Variants in SLC12A7 observed in about 807,000 individuals in gnomAD.
SLC12A7 encodes the protein K-Cl cotransporter 4.
A neutral mutation model predicts 120.6 loss-of-function variants in SLC12A7; 100 were observed. The ratio of observed to expected loss-of-function variants is 0.83; its 90% CI spans 0.71 to 0.98. The LOEUF is 0.98. SLC12A7 is among the 50% of genes least tolerant of loss of function. The pLI is 0.00. For missense variants in SLC12A7, 1,373 were observed against 1,548.1 expected (o/e 0.89, Z 1.90); for synonymous variants, 760 against 678.0 (o/e 1.12, Z -1.88).
At chr5:1,062,744 C>A (rs1383506868) in intron 20 of SLC12A7, among the ~76,000 whole-genome samples, 1 of 152,102 alleles carries the variant, frequency 6.6e-6, no homozygotes, top group African/African-American at 2.4e-5. Flanking sequence ...GAGACCGCAC[C>A]TCCCAGGCTG....
chr5:1,076,753 G>A lies in SLC12A7; in HGVS notation c.1689C>T (p.Leu563=). 1.9e-6 allele frequency: 3 copies of A among 1,611,672 alleles called. No homozygotes were observed. Among genetic ancestry groups the A allele is most frequent in the South Asian group, 1.1e-5 (1 of 91,074 alleles). The change falls in exon 13 of 24, where the codon CTC becomes CTT. Residue 563 remains leucine, a synonymous_variant. Coordinates refer to ENST00000264930, the MANE Select transcript of SLC12A7 (RefSeq NM_006598.3). The part of the protein sequence containing the change: ...EPTWALLLTV[L]ICETGILIAS... ...CGATGAGGATGCCAGTCTCGCAGAT[G>A]AGGACTGTCAGCAGCAGCGCCCACG...
At chr5:1,152,935 G>A in the SLC12A7 span, among the ~76,000 whole-genome samples, 2 of 152,344 alleles carry the variant, frequency 1.3e-5, no homozygotes, top group Non-Finnish European at 1.5e-5. Flanking sequence ...GGCCCGCCTG[G>A]CATGCAATTC....
intron 14 of SLC12A7, 31 bp downstream of exon 14, chr5:1,076,107 G>A: frequency 6.4e-7 from 1 of 1,570,282 alleles, no homozygotes; most frequent in Non-Finnish European, 8.7e-7. Context: ...CAGCCTGTGG[G>A]GCTCCTCACG....
At position 1,078,762 on chromosome 5, in the gene SLC12A7, C is replaced by T; in HGVS notation, c.1397-4G>A. The T allele has an allele frequency of 5.0e-6, 8 of 1,610,426 alleles. No individual in the cohort carries two copies. The Admixed American group carries it at 1.3e-4, about 27-fold the overall frequency. On this transcript the variant is annotated splice_region_variant and splice_polypyrimidine_tract_variant and intron_variant, in intron 10 of 23. Coordinates refer to ENST00000264930, the MANE Select transcript of SLC12A7 (RefSeq NM_006598.3). ...AACAGCACAATGCAGGAGAGATCCA[C>T]AGCCCTCGTCAAGGAAAGGCAGGTC...
rs1411991263 is a variant in SLC12A7 at position 1,085,287 on chromosome 5, T to C, written c.862A>G (p.Ile288Val). ...LVFLACVVLS[I>V]LAIYAGVIKS... is the part of the protein sequence containing the mutation. ...ATGACGCCGGCATAGATGGCCAGGA[T>C]GGACAGCACGACGCAGGCCAGGAAG... The change falls in exon 7 of 24, where the codon ATC (isoleucine) becomes GTC (valine). Residue 288 changes from isoleucine to valine, a missense_variant. Ile to Val is a conservative substitution (Grantham distance 29). Coordinates refer to ENST00000264930, the MANE Select transcript of SLC12A7 (RefSeq NM_006598.3). The C allele has an allele frequency of 3.7e-6, 6 of 1,612,330 alleles. No homozygotes were observed. The highest frequency in any genetic ancestry group is 5.1e-6 in the Non-Finnish European group (6 of 1,179,806).
In SLC12A7 at chr5:1,088,851, G is replaced by A. The variant is rs930620596; in HGVS notation, c.489+131C>T. On this transcript the variant is annotated intron_variant, in intron 4 of 23. Coordinates refer to ENST00000264930, the MANE Select transcript of SLC12A7 (RefSeq NM_006598.3). ...ACGTCTACACGGGCGTCTGGGGAGG[G>A]CCCTACTGTCCGGCTGCCACCGCCC... The A allele has an allele frequency of 5.1e-6, 6 of 1,172,486 alleles. No homozygotes were observed. In the African/African-American group the frequency reaches 6.0e-5, roughly 12 times the overall value. 72.6% of individuals were successfully genotyped at this position (1,172,486 alleles called of 1,614,324 possible).
rs1339144705 is a variant in SLC12A7, at chr5:1,079,404, A to C, written c.1390T>G (p.Phe464Val). The change falls in exon 10 of 24, where the codon TTC becomes GTC. Residue 464 changes from phenylalanine to valine, a missense_variant. Transcript: ENST00000264930. Reference sequence around the variant, plus strand: ...TGCACCCCTCCAAGGATACAGATGAAAGACGTCGTCACTATGGCCAGGATG... The same window carrying C: ...TGCACCCCTCCAAGGATACAGATGACAGACGTCGTCACTATGGCCAGGATG... ...GTILAIVTTS[F>V]IYLSCIVLFG... The C allele has an allele frequency of 1.9e-6, 3 of 1,612,100 alleles. No homozygotes were observed. Among genetic ancestry groups the C allele is most frequent in the Non-Finnish European group, 1.7e-6 (2 of 1,179,392 alleles).
rs1384744505 is a variant in SLC12A7, at chr5:1,051,071, A to G, written c.*1289T>C. On this transcript the variant is annotated 3_prime_UTR_variant, in exon 24 of 24. Transcript: ENST00000264930. Reference sequence around the variant, plus strand: ...TTAAATAAATAAATATGCCACATAGAAAGGGAGGCCCAAGTCGGTGCCACT... The same window carrying G: ...TTAAATAAATAAATATGCCACATAGGAAGGGAGGCCCAAGTCGGTGCCACT... 1.3e-5 allele frequency: 5 copies of G among 397,198 alleles called. No individual in the cohort carries two copies. The highest frequency in any genetic ancestry group is 2.1e-5 in the African/African-American group (1 of 48,612). 24.6% of individuals were successfully genotyped at this position (397,198 alleles called of 1,614,324 possible). A position where few individuals can be genotyped will look rare whatever the true frequency, so the allele number is the denominator to read the frequency against.
intron 22 of SLC12A7, 145 bp downstream of exon 22, chr5:1,057,326 A>C: frequency 1.2e-6 from 1 of 817,834 alleles, no homozygotes; most frequent in African/African-American, 1.7e-5. Context: ...GTGCCCACTC[A>C]GGCGGCTCCC....
At chr5:1,080,571 G>A (rs965315704) in intron 9 of SLC12A7, among the ~76,000 whole-genome samples, 1 of 152,232 alleles carries the variant, frequency 6.6e-6, no homozygotes, top group Non-Finnish European at 1.5e-5. Flanking sequence ...GGACCAGAAG[G>A]GCAGCTGCAG....
At chr5:1,114,923 G>A (rs60054204), upstream of SLC12A7, among the ~76,000 whole-genome samples, 10,350 of 152,300 alleles carry the variant, frequency 0.068, 441 homozygotes, top group African/African-American at 0.12. Context: ...CATCTTGTCC[G>A]TCTGGCCATC....
Position 1,052,432 on chromosome 5 carries a change from G to T in SLC12A7, c.3180C>A (p.Val1060=), listed in dbSNP as rs756309209. The T allele has an allele frequency of 1.4e-5, 23 of 1,612,838 alleles. No individual in the cohort carries two copies. Among genetic ancestry groups the T allele is most frequent in the Non-Finnish European group, 1.8e-5 (21 of 1,179,952 alleles). ...GDENYMEFLE[V]LTEGLNRVLL... Reference sequence around the variant, plus strand: ...GGACTCTGTTCAGCCCCTCGGTCAGGACTTCAAGAAACTCCATGTCTGTGG... The same window carrying T: ...GGACTCTGTTCAGCCCCTCGGTCAGTACTTCAAGAAACTCCATGTCTGTGG... Residue 1060 remains valine, a synonymous_variant, in exon 24 of 24, where the codon GTC becomes GTA. Transcript: ENST00000264930.
At chr5:1,066,561 C>G (rs1342177196) in intron 17 of SLC12A7, among the ~76,000 whole-genome samples, 1 of 152,218 alleles carries the variant, frequency 6.6e-6, no homozygotes, top group African/African-American at 2.4e-5. Context: ...ATCCCAGCCC[C>G]AGGAACCTGA....
At chr5:1,137,887 C>T in the SLC12A7 span, among the ~76,000 whole-genome samples, 4 of 152,320 alleles carry the variant, frequency 2.6e-5, no homozygotes, top group African/African-American at 9.6e-5. Flanking sequence ...TGGATGTCGG[C>T]GCCAGCGCTG....
At chr5:1,111,415 AGGACGGGCCGGCCCGGGCTAGTGTTACC>A (rs1742995242) in intron 1 of SLC12A7, among the ~76,000 whole-genome samples, 1 of 151,980 alleles carries the variant, frequency 6.6e-6, no homozygotes, top group Non-Finnish European at 1.5e-5. Context: ...AGGCGGGGGC[AGGACGGGCCGGCCCGGGCTAGTGTTACC>A]GGACGGCCGC....
intron 22 of SLC12A7, among the ~76,000 whole-genome samples, chr5:1,056,829 C>T (rs1435681132): frequency 6.6e-6 from 1 of 152,230 alleles, no homozygotes; most frequent in African/African-American, 2.4e-5. Context: ...ACCAAACCCA[C>T]ACCCGCAAGG....
At position 1,052,445 on chromosome 5, in the gene SLC12A7, T is replaced by G. The variant is rs1296919696; in HGVS notation, c.3167A>C (p.Glu1056Ala). ...CCCCTCGGTCAGGACTTCAAGAAAC[T>G]CCATGTCTGTGGTCAACAGAGTTAA... ...KNRQGDENYM[E>A]FLEVLTEGLN... Residue 1056 changes from glutamate (E) to alanine (A), a missense_variant, in exon 24 of 24, where the codon GAG becomes GCG. Glu to Ala is a moderately radical substitution (Grantham distance 107, BLOSUM62 -1). Coordinates refer to ENST00000264930, the MANE Select transcript of SLC12A7 (RefSeq NM_006598.3). 3.1e-6 allele frequency: 5 copies of G among 1,612,476 alleles called. No homozygotes were observed. The highest frequency in any genetic ancestry group is 4.2e-6 in the Non-Finnish European group (5 of 1,179,768).
At position 1,052,219 on chromosome 5, in the gene SLC12A7, G is replaced by C. The variant is rs182274157; in HGVS notation, c.*141C>G. On this transcript the variant is annotated 3_prime_UTR_variant, in exon 24 of 24. Coordinates refer to ENST00000264930, the MANE Select transcript of SLC12A7 (RefSeq NM_006598.3). ...CTAGGTGACGGGCCTAGAAACTTCCGTAGGAAGCCCCATGGGCAGCTTGGG... is the reference window on the plus strand; with the variant it reads ...CTAGGTGACGGGCCTAGAAACTTCCCTAGGAAGCCCCATGGGCAGCTTGGG... The C allele has an allele frequency of 1.4e-6, 1 of 724,044 alleles. No homozygotes were observed. The highest frequency in any genetic ancestry group is 2.2e-5 in the Admixed American group (1 of 46,262). The allele number at this position is 724,044 out of a possible 1,614,324, so 44.9% of individuals were successfully genotyped here. A position where few individuals can be genotyped will look rare whatever the true frequency, so the allele number is the denominator to read the frequency against.
intron 21 of SLC12A7, 123 bp downstream of exon 21, chr5:1,060,221 C>A: frequency 1.4e-6 from 1 of 732,106 alleles, no homozygotes. Context: ...GCCTGCGACG[C>A]AGTACCTGAG....
Sources: allele counts gnomAD v4.1 joint callset (sites outside exome capture counted in the v4.1 genomes callset), GRCh38; gene constraint gnomAD v4.1.1; transcripts MANE v1.5; gene names NCBI Gene and HGNC (gene_info 2026-07-23, HGNC 2026-07-21).